PLCB1: variants seen among roughly 807,000 people sequenced by gnomAD.
PLCB1 encodes phospholipase C beta 1.
PLCB1 carries 46 observed loss-of-function variants against 161.8 expected under a neutral mutation model. That is an observed-to-expected ratio of 0.28 (90% CI 0.22 to 0.36). The LOEUF is 0.36. Among genes scored for constraint, PLCB1 ranks in the 10% least tolerant of loss-of-function variants. The probability of loss-of-function intolerance (pLI) is 1.00; values close to 1 mark genes in which losing one functional copy is unlikely to be tolerated. For synonymous variants in PLCB1, 517 were observed against 503.7 expected (o/e 1.03, Z -0.35); for missense variants, 1,016 against 1,472.5 (o/e 0.69, Z 5.07).
intron 3 of PLCB1, among the ~76,000 whole-genome samples, chr20:8,523,911 T>A (rs997650241): frequency 6.6e-6 from 1 of 152,058 alleles, no homozygotes; most frequent in Non-Finnish European, 1.5e-5. Flanking sequence ...ATGGGGAGCG[T>A]GTGTTGTATG....
intron 3 of PLCB1, among the ~76,000 whole-genome samples, chr20:8,460,207 T>G (rs752208063): frequency 4.6e-5 from 7 of 152,222 alleles, no homozygotes; most frequent in Non-Finnish European, 8.8e-5. Flanking sequence ...TTTTCTAGAT[T>G]TCATGGCTGC....
At chr20:8,716,158 G>C in intron 12 of PLCB1, 106 bp from the exon 13 acceptor site, 1 of 776,940 alleles carries the variant, frequency 1.3e-6, no homozygotes. Flanking sequence ...TGATGGGTGG[G>C]ATTAGAGAAT....
chr20:8,846,710 A>T (rs1383618169), intron 31 of PLCB1, among the ~76,000 whole-genome samples: 1 of 152,182 alleles, frequency 6.6e-6, no homozygotes, highest in Admixed American at 6.5e-5. Flanking sequence ...GTAAAGAATT[A>T]GCTGCTGACA....
In PLCB1 at chr20:8,826,417, C is replaced by T. The variant is rs1285993210; in HGVS notation, c.3423+36156C>T. On this transcript the variant is annotated intron_variant, in intron 31 of 31. Coordinates refer to ENST00000338037, the MANE Select transcript of PLCB1 (RefSeq NM_015192.4). ...GGCTGAGGCAGGAGAATGGCATGAACCCGGGAGGCAGAGCTTGCAGTGAGC... is the reference window on the plus strand; with the variant it reads ...GGCTGAGGCAGGAGAATGGCATGAATCCGGGAGGCAGAGCTTGCAGTGAGC... Among the ~76,000 whole-genome samples, 6 of 151,758 alleles carry T rather than the reference C, an allele frequency of 4.0e-5. 1 individual carries two copies. The highest frequency in any genetic ancestry group is 8.8e-5 in the Non-Finnish European group (6 of 67,936).
At chr20:8,732,484 AAAT>A (rs1980305702) in intron 18 of PLCB1, among the ~76,000 whole-genome samples, 1 of 150,918 alleles carries the variant, frequency 6.6e-6, no homozygotes, top group Admixed American at 6.6e-5. Context: ...GAAAAAACAT[AAAT>A]GTGCCCAAAA....
rs1271894261 is a variant in PLCB1 at position 8,600,321 on chromosome 20, C to G, written c.247-27973C>G. On this transcript the variant is annotated intron_variant, in intron 3 of 31. Transcript: ENST00000338037. ...GTTTGTTAGTTTTCCTTCTAACAGA[C>G]AGGACCCTCAGCTACAGGTCAGTTG... 1.6e-4 allele frequency among the ~76,000 whole-genome samples: 16 copies of G among 98,778 alleles called. 1 individual carries two copies. Among genetic ancestry groups the G allele is most frequent in the African/African-American group, 3.8e-4 (9 of 23,834 alleles). 64.8% of individuals were successfully genotyped at this position (98,778 alleles called of 152,430 possible).
At chr20:8,587,717 C>T (rs1032153094) in intron 3 of PLCB1, among the ~76,000 whole-genome samples, 1 of 152,122 alleles carries the variant, frequency 6.6e-6, no homozygotes, top group Non-Finnish European at 1.5e-5. Context: ...TAATGCAGTA[C>T]TAATGCAGAA....
chr20:8,190,030 T>C (rs1320693259), intron 2 of PLCB1, among the ~76,000 whole-genome samples: 1 of 152,118 alleles, frequency 6.6e-6, no homozygotes, highest in East Asian at 1.9e-4. Flanking sequence ...GGCAAACTTA[T>C]GACTTCATTG....
At chr20:8,325,782 G>A (rs182907158) in intron 2 of PLCB1, among the ~76,000 whole-genome samples, 2 of 152,222 alleles carry the variant, frequency 1.3e-5, no homozygotes, top group Admixed American at 6.5e-5. Context: ...AGCGGGAATG[G>A]GGGTGGGCAA....
chr20:8,379,019 A>T (rs1231164147), intron 3 of PLCB1, among the ~76,000 whole-genome samples: 2 of 152,104 alleles, frequency 1.3e-5, no homozygotes, highest in African/African-American at 4.8e-5. Flanking sequence ...TGTGCAGAAC[A>T]TGCAGGTTTG....
intron 3 of PLCB1, among the ~76,000 whole-genome samples, chr20:8,582,274 C>G (rs1364078531): frequency 6.6e-6 from 1 of 152,152 alleles, no homozygotes; most frequent in Admixed American, 6.5e-5. Context: ...ACAGGCACCC[C>G]TTTTTCTAGG....
intron 3 of PLCB1, among the ~76,000 whole-genome samples, chr20:8,471,709 T>C (rs1022425068): frequency 6.6e-6 from 1 of 152,182 alleles, no homozygotes; most frequent in Non-Finnish European, 1.5e-5. Context: ...ACTCGCCTTG[T>C]TATGTATTTC....
At chr20:8,157,155 T>A (rs994120863) in intron 2 of PLCB1, among the ~76,000 whole-genome samples, 16 of 152,222 alleles carry the variant, frequency 1.1e-4, no homozygotes, top group African/African-American at 2.4e-4. Context: ...GGATTTATTG[T>A]TTAAAAGACT....
At chr20:8,302,073 T>C (rs948284939) in intron 2 of PLCB1, among the ~76,000 whole-genome samples, 4 of 152,242 alleles carry the variant, frequency 2.6e-5, no homozygotes, top group Non-Finnish European at 5.9e-5. Context: ...GAACAGTGCA[T>C]GGTGCTCAGT....
intron 3 of PLCB1, among the ~76,000 whole-genome samples, chr20:8,594,000 T>G (rs1173311671): frequency 6.6e-6 from 1 of 152,136 alleles, no homozygotes; most frequent in East Asian, 1.9e-4. Context: ...TCCTCCACCC[T>G]CAGCCTCCTA....
chr20:8,646,307 GATTT>G, intron 5 of PLCB1, 126 bp downstream of exon 5: 1 of 676,262 alleles, frequency 1.5e-6, no homozygotes. Flanking sequence ...TTTCCTTTGG[GATTT>G]ATTAGAGAAC....
At chr20:8,220,566 G>A (rs376935913) in intron 2 of PLCB1, among the ~76,000 whole-genome samples, 20 of 152,278 alleles carry the variant, frequency 1.3e-4, no homozygotes, top group East Asian at 5.8e-4. Context: ...ATATAATGGC[G>A]GAGGCCGAGA....
chr20:8,546,573 G>A (rs1985558447), intron 3 of PLCB1, among the ~76,000 whole-genome samples: 1 of 152,022 alleles, frequency 6.6e-6, no homozygotes, highest in Non-Finnish European at 1.5e-5. Context: ...TAGGGGGGAG[G>A]TAATGTAATG....
chr20:8,834,780 A>G (rs1433725499), intron 31 of PLCB1, among the ~76,000 whole-genome samples: 7 of 129,206 alleles, frequency 5.4e-5, no homozygotes, highest in Non-Finnish European at 1.1e-4. Flanking sequence ...GCGCCACTGC[A>G]CTCCAGCCTG....
Sources: allele counts gnomAD v4.1 joint callset (sites outside exome capture counted in the v4.1 genomes callset), GRCh38; gene constraint gnomAD v4.1.1; transcripts MANE v1.5; gene names NCBI Gene and HGNC (gene_info 2026-07-23, HGNC 2026-07-21).